Variants in PHF21B observed in about 807,000 individuals in gnomAD.
The protein encoded by PHF21B is PHD finger protein 21B.
PHF21B carries 22 observed loss-of-function variants against 62.2 expected under a neutral mutation model. That is an observed-to-expected ratio of 0.35 (90% confidence interval 0.25 to 0.51). The LOEUF is 0.51. PHF21B is among the 20% of genes least tolerant of loss of function. PHF21B has a pLI of 0.97. For missense variants in PHF21B, 701 were observed against 707.9 expected, an observed-to-expected ratio of 0.99 and a Z score of 0.11; for synonymous variants, 341 against 314.7, an observed-to-expected ratio of 1.08 and a Z score of -0.88.
chr22:45,000,215 T>G (rs2073189637), intron 2 of PHF21B, among the ~76,000 whole-genome samples: 1 of 152,022 alleles, frequency 6.6e-6, no homozygotes, highest in Non-Finnish European at 1.5e-5. Context: ...TTCTAAACAG[T>G]ACTCGGGAGG....
At chr22:44,899,670 T>C (rs1017394812) in intron 5 of PHF21B, among the ~76,000 whole-genome samples, 1 of 152,082 alleles carries the variant, frequency 6.6e-6, no homozygotes, top group African/African-American at 2.4e-5. Context: ...CCTTCTCCTC[T>C]TCTTCTGTCT....
intron 2 of PHF21B, among the ~76,000 whole-genome samples, chr22:44,921,997 C>G (rs188266364): frequency 6.6e-6 from 1 of 152,302 alleles, no homozygotes; most frequent in Admixed American, 6.5e-5. Context: ...TCGCACCCCA[C>G]GAGCCTGCCT....
chr22:45,001,993 C>T (rs2073229228), intron 2 of PHF21B: 1 of 152,186 alleles, frequency 6.6e-6, no homozygotes, highest in Admixed American at 6.5e-5. Context: ...CTAAGAAAAA[C>T]CTTTAAAAAG....
rs73892226 is a variant in PHF21B, at chr22:44,993,020, T to C, written c.120+15525A>G. Among the ~76,000 whole-genome samples the C allele has an allele frequency of 5.7e-3, 863 of 152,198 alleles. 6 individuals carry two copies. The highest frequency in any genetic ancestry group is 0.02 in the African/African-American group (834 of 41,498). On this transcript the variant is annotated intron_variant, in intron 2 of 12. Transcript: ENST00000313237. ...GGCATGGGACTCTGCATCCTCACAC[T>C]TGGTCAGAAGGGACACCTCCACTCT... is the stretch of plus-strand genomic sequence containing the variant.
chr22:44,965,368 CACT>C (rs2072504824), intron 2 of PHF21B, among the ~76,000 whole-genome samples: 1 of 152,212 alleles, frequency 6.6e-6, no homozygotes, highest in Non-Finnish European at 1.5e-5. Context: ...CCCCCGCCAC[CACT>C]ACACTAGCCA....
intron 2 of PHF21B, among the ~76,000 whole-genome samples, chr22:44,947,461 G>A (rs1485434644): frequency 6.6e-6 from 1 of 152,206 alleles, no homozygotes; most frequent in Non-Finnish European, 1.5e-5. Context: ...CTGCCCTATA[G>A]AACCTCTCAG....
Position 44,949,316 on chromosome 22 carries a change from A to AG in PHF21B, c.121-28827_121-28826insC, listed in dbSNP as rs1459928299. Reference sequence around the variant, plus strand: ...AACTCCATCTCAAAAAAAAGAAAAAAAAAAAAAAAGAAAAAAGAGAGCTGA... The same window carrying AG: ...AACTCCATCTCAAAAAAAAGAAAAAAGAAAAAAAAAGAAAAAAGAGAGCTGA... On this transcript the variant is annotated intron_variant, in intron 2 of 12. Transcript: ENST00000313237. Among the ~76,000 whole-genome samples, 23 of 150,918 alleles carry AG rather than the reference A, an allele frequency of 1.5e-4. 2 individuals are homozygous for AG. Among genetic ancestry groups the AG allele is most frequent in the African/African-American group, 5.4e-4 (22 of 41,000 alleles).
chr22:44,920,244 T>G (rs886320808), intron 3 of PHF21B, among the ~76,000 whole-genome samples, 154 bp downstream of exon 3: 3 of 152,186 alleles, frequency 2.0e-5, no homozygotes, highest in Admixed American at 2.0e-4. Context: ...CATTGAAGAA[T>G]GGATAGAAGA....
At chr22:45,007,984 C>T (rs1308586943) in intron 2 of PHF21B, among the ~76,000 whole-genome samples, 1 of 151,324 alleles carries the variant, frequency 6.6e-6, no homozygotes, top group African/African-American at 2.4e-5. Context: ...CGCCCGGAGC[C>T]CAAAGTTGGA....
rs575441094 is a variant in PHF21B, at chr22:44,930,240, G to A, written c.121-9750C>T. ...GGGTCTATCCCCAAGTCATGACTGC[G>A]GCTGCCCCTGTGGAGGGGAGAGGGA... is the stretch of plus-strand genomic sequence containing the variant. On this transcript the variant is annotated intron_variant, in intron 2 of 12. Transcript: ENST00000313237. Among the ~76,000 whole-genome samples, 57 of 152,270 alleles carry A rather than the reference G, an allele frequency of 3.7e-4. 1 individual carries two copies. The highest frequency in any genetic ancestry group is 1.7e-3 in the Admixed American group (26 of 15,300).
intron 5 of PHF21B, among the ~76,000 whole-genome samples, chr22:44,898,577 T>A (rs1197305742): frequency 1.3e-5 from 2 of 152,176 alleles, no homozygotes; most frequent in Non-Finnish European, 2.9e-5. Flanking sequence ...TTGCCATGCA[T>A]CTAGATTTTT....
At chr22:44,982,234 G>A (rs921229024) in intron 2 of PHF21B, among the ~76,000 whole-genome samples, 1 of 152,206 alleles carries the variant, frequency 6.6e-6, no homozygotes, top group African/African-American at 2.4e-5. Flanking sequence ...CAGCTTCTGT[G>A]TATCTCACTG....
intron 8 of PHF21B, 37 bp from the exon 9 acceptor site, chr22:44,889,819 G>A: frequency 6.5e-7 from 1 of 1,539,694 alleles, no homozygotes; most frequent in African/African-American, 1.4e-5. Flanking sequence ...CACGTTAGTG[G>A]CCGTCAGAGG....
At chr22:44,896,880 G>GTTTTTTTGTT (rs1555933160) in intron 5 of PHF21B, among the ~76,000 whole-genome samples, 2 of 84,092 alleles carry the variant, frequency 2.4e-5, no homozygotes, top group Non-Finnish European at 4.9e-5. Flanking sequence ...AGTTTTATCT[G>GTTTTTTTGTT]TTTTTTTTTT....
chr22:45,003,388 G>A (rs2073255211), intron 2 of PHF21B: 1 of 152,298 alleles, frequency 6.6e-6, no homozygotes, highest in Admixed American at 6.5e-5. Flanking sequence ...GGTGTCTGCA[G>A]CTGCCCCTCA....
intron 5 of PHF21B, among the ~76,000 whole-genome samples, chr22:44,907,992 C>A (rs898124315): frequency 2.0e-5 from 3 of 152,130 alleles, no homozygotes; most frequent in Non-Finnish European, 4.4e-5. Context: ...GCTGGTAATG[C>A]GGCCCCTTTC....
chr22:44,929,457 T>C (rs2071697945), intron 2 of PHF21B, among the ~76,000 whole-genome samples: 1 of 152,232 alleles, frequency 6.6e-6, no homozygotes, highest in African/African-American at 2.4e-5. Context: ...CAAATTCCAC[T>C]TGCTCTGGTC....
intron 2 of PHF21B, among the ~76,000 whole-genome samples, chr22:44,962,714 G>C (rs2072448403): frequency 6.6e-6 from 1 of 152,140 alleles, no homozygotes; most frequent in African/African-American, 2.4e-5. Context: ...GTCTTGCTCA[G>C]AGGGAACACC....
At chr22:45,008,987 CATAA>C (rs992578841) in intron 1 of PHF21B, 7 of 1,094,628 alleles carry the variant, frequency 6.4e-6, no homozygotes, top group Non-Finnish European at 7.8e-6. Context: ...GAGCAAAGCT[CATAA>C]ATATTCAAGT....
Sources: gnomAD v4.1 joint callset for allele counts (sites outside exome capture counted in the v4.1 genomes callset) on GRCh38, gnomAD v4.1.1 for gene constraint, MANE v1.5 for transcripts, NCBI Gene and HGNC (gene_info 2026-07-23, HGNC 2026-07-21) for gene names.